Variants in CALN1 observed in about 807,000 individuals in gnomAD.
CALN1 encodes the protein calcium-binding protein 8.
A neutral mutation model predicts 30.6 loss-of-function variants in CALN1; 17 were observed. The ratio of observed to expected loss-of-function variants is 0.56; its 90% CI spans 0.38 to 0.83. The LOEUF (loss-of-function observed/expected upper bound fraction) is 0.83, where lower values mean the gene tolerates loss of function less well. Ranked by LOEUF, CALN1 falls within the 40% of genes least tolerant of loss-of-function variation. The pLI, the probability that CALN1 is intolerant of heterozygous loss-of-function variation, is 0.00. For missense variants in CALN1, 291 were observed against 354.9 expected (o/e 0.82, Z 1.45); for synonymous variants, 156 against 131.4 (o/e 1.19, Z -1.28).
the CALN1 span, among the ~76,000 whole-genome samples, chr7:72,468,958 A>G: frequency 6.6e-6 from 1 of 151,836 alleles, no homozygotes; most frequent in Non-Finnish European, 1.5e-5. Context: ...TGTATACTAG[A>G]CTCTTATCAG....
At chr7:72,050,190 T>C (rs1802748974) in intron 4 of CALN1, among the ~76,000 whole-genome samples, 2 of 152,274 alleles carry the variant, frequency 1.3e-5, no homozygotes, top group South Asian at 4.1e-4. Context: ...GTGACCTCTG[T>C]AAGATTATGC....
At chr7:72,200,834 G>A (rs1484400010) in intron 3 of CALN1, among the ~76,000 whole-genome samples, 1 of 152,174 alleles carries the variant, frequency 6.6e-6, no homozygotes. Flanking sequence ...TATACACTGG[G>A]CTTGTGAATT....
At chr7:71,965,925 A>G (rs1797508488) in intron 5 of CALN1, among the ~76,000 whole-genome samples, 2 of 151,988 alleles carry the variant, frequency 1.3e-5, no homozygotes, top group South Asian at 2.1e-4. Context: ...GGTGCTTCTT[A>G]GAGCTTTTCA....
chr7:72,176,707 C>T (rs1789382585), intron 3 of CALN1, among the ~76,000 whole-genome samples: 1 of 152,094 alleles, frequency 6.6e-6, no homozygotes, highest in South Asian at 2.1e-4. Context: ...GCCTTTCTTC[C>T]TAGTGATGCA....
At chr7:72,236,461 C>T (rs1015795529) in intron 3 of CALN1, among the ~76,000 whole-genome samples, 15 of 152,122 alleles carry the variant, frequency 9.9e-5, no homozygotes, top group Non-Finnish European at 2.2e-4. Context: ...TATGGAGGCT[C>T]ATATATGTTC....
chr7:72,204,577 G>A (rs994550668), intron 3 of CALN1, among the ~76,000 whole-genome samples: 5 of 152,108 alleles, frequency 3.3e-5, no homozygotes, highest in Admixed American at 1.3e-4. Flanking sequence ...AATTTCCTGA[G>A]ATCAAATCAC....
chr7:72,218,132 C>A (rs73143215), intron 3 of CALN1, among the ~76,000 whole-genome samples: 22 of 151,226 alleles, frequency 1.5e-4, no homozygotes, highest in African/African-American at 2.9e-4. Flanking sequence ...GTGAGCCACC[C>A]CGCTCCGCCA....
intron 5 of CALN1, among the ~76,000 whole-genome samples, chr7:71,855,477 G>A (rs140554558): frequency 5.1e-4 from 78 of 152,240 alleles, no homozygotes; most frequent in Middle Eastern, 3.4e-3. Flanking sequence ...AGCCCCAAAG[G>A]CCATAAATGT....
In CALN1 at chr7:72,041,888, C is replaced by T. The variant is rs560872238; in HGVS notation, c.389-18119G>A. On this transcript the variant is annotated intron_variant, in intron 4 of 6. Transcript: ENST00000395275. ...TTGCCTGCCACCATGTAAGACGTGGCTTTGCTCCTCCTTGCCTTCTGCCGT... is the reference window on the plus strand; with the variant it reads ...TTGCCTGCCACCATGTAAGACGTGGTTTTGCTCCTCCTTGCCTTCTGCCGT... Among the ~76,000 whole-genome samples, 15 of 152,312 alleles carry T rather than the reference C, an allele frequency of 9.8e-5. No individual in the cohort carries two copies. The South Asian group carries it at 2.7e-3, about 27-fold the overall frequency.
upstream of CALN1, among the ~76,000 whole-genome samples, chr7:72,414,368 G>A (rs958699359): frequency 2.6e-5 from 4 of 152,158 alleles, no homozygotes; most frequent in Non-Finnish European, 4.4e-5. Flanking sequence ...TGGGTAGAGC[G>A]AGACAGAGAG....
chr7:72,168,635 T>G (rs977713771), intron 3 of CALN1, among the ~76,000 whole-genome samples: 5 of 152,044 alleles, frequency 3.3e-5, no homozygotes, highest in African/African-American at 1.2e-4. Context: ...AAAGAGACAG[T>G]GTTCTGACTC....
chr7:72,138,491 A>T (rs1809660180), intron 3 of CALN1, among the ~76,000 whole-genome samples: 1 of 152,164 alleles, frequency 6.6e-6, no homozygotes, highest in Non-Finnish European at 1.5e-5. Flanking sequence ...CTTACACCTG[A>T]TTCCTCGGGA....
chr7:72,394,570 T>C (rs541630054), intron 2 of CALN1, among the ~76,000 whole-genome samples: 1 of 152,136 alleles, frequency 6.6e-6, no homozygotes, highest in Non-Finnish European at 1.5e-5. Flanking sequence ...TGCATAGCAA[T>C]GTGATCACAT....
intron 3 of CALN1, among the ~76,000 whole-genome samples, chr7:72,271,648 A>G (rs557741444): frequency 1.9e-4 from 28 of 147,206 alleles, no homozygotes; most frequent in African/African-American, 7.1e-4. Context: ...GATGACAAAT[A>G]TGTAGAAAAG....
intron 3 of CALN1, among the ~76,000 whole-genome samples, chr7:72,126,843 T>C (rs1313367256): frequency 6.6e-6 from 1 of 151,968 alleles, no homozygotes; most frequent in Non-Finnish European, 1.5e-5. Context: ...AAGACTATAA[T>C]ACATATTGGG....
intron 3 of CALN1, among the ~76,000 whole-genome samples, chr7:72,124,574 C>G (rs1465057682): frequency 2.0e-5 from 3 of 151,936 alleles, no homozygotes; most frequent in African/African-American, 7.3e-5. Flanking sequence ...ATTGCTTAAG[C>G]CCAGAAGTTT....
chr7:72,410,703 CAATTA>C (rs1230581756), intron 1 of CALN1, among the ~76,000 whole-genome samples: 14 of 152,120 alleles, frequency 9.2e-5, no homozygotes, highest in South Asian at 2.1e-4. Flanking sequence ...GAACGGCTCA[CAATTA>C]AATTAACATT....
intron 4 of CALN1, among the ~76,000 whole-genome samples, chr7:72,094,380 G>A (rs764506775): frequency 2.6e-5 from 4 of 152,026 alleles, no homozygotes; most frequent in African/African-American, 4.8e-5. Context: ...GCCACCTCCC[G>A]AGTAGCTGGG....
At chr7:71,848,259 A>C (rs567564682) in intron 5 of CALN1, among the ~76,000 whole-genome samples, 1 of 152,328 alleles carries the variant, frequency 6.6e-6, no homozygotes, top group African/African-American at 2.4e-5. Context: ...GGGATGATAA[A>C]GTATCCCCCT....
Sources: allele counts gnomAD v4.1 joint callset (sites outside exome capture counted in the v4.1 genomes callset), GRCh38; gene constraint gnomAD v4.1.1; transcripts MANE v1.5; gene names NCBI Gene and HGNC (gene_info 2026-07-23, HGNC 2026-07-21).